The following TBCK variants were observed in gnomAD, a reference collection of about 807,000 sequenced individuals.
The protein encoded by TBCK is TBC domain-containing protein kinase-like protein.
A neutral mutation model predicts 113.4 loss-of-function variants in TBCK; 99 were observed. That is an observed-to-expected ratio of 0.87 (90% confidence interval 0.74 to 1.03). The LOEUF (loss-of-function observed/expected upper bound fraction) is 1.03, where lower values mean the gene tolerates loss of function less well. Among genes scored for constraint, TBCK ranks in the 50% least tolerant of loss-of-function variants. The pLI is 0.00. For missense variants in TBCK, 1,045 were observed against 1,061.3 expected, an observed-to-expected ratio of 0.98 and a Z score of 0.21; for synonymous variants, 369 against 370.8, an observed-to-expected ratio of 1.00 and a Z score of 0.05.
chr4:106,109,854 G>T (rs1742619628), intron 24 of TBCK, among the ~76,000 whole-genome samples: 1 of 152,124 alleles, frequency 6.6e-6, no homozygotes, highest in Admixed American at 6.5e-5. Flanking sequence ...GATTGGTCAG[G>T]GTGGTGGAAA....
chr4:106,237,540 T>C (rs929444614), intron 12 of TBCK: 3 of 455,570 alleles, frequency 6.6e-6, no homozygotes, highest in Non-Finnish European at 1.3e-5. Flanking sequence ...TGTCTGCTCC[T>C]ATGGGGATTG....
At chr4:106,261,946 CCA>C (rs918580032) in intron 4 of TBCK, among the ~76,000 whole-genome samples, 150 bp downstream of exon 4, 2 of 151,798 alleles carry the variant, frequency 1.3e-5, no homozygotes, top group Non-Finnish European at 2.9e-5. Context: ...AATTCAAAAA[CCA>C]CAGTTACATC....
intron 24 of TBCK, among the ~76,000 whole-genome samples, chr4:106,114,221 T>A (rs1460153262): frequency 6.6e-6 from 1 of 152,054 alleles, no homozygotes; most frequent in African/African-American, 2.4e-5. Flanking sequence ...TGGGAAAAAT[T>A]GTAGAAAGAT....
intron 2 of TBCK, among the ~76,000 whole-genome samples, chr4:106,298,302 A>G (rs570021146): frequency 6.6e-6 from 1 of 152,296 alleles, no homozygotes; most frequent in East Asian, 1.9e-4. Context: ...ATCTCTCACC[A>G]GCAATTAATA....
intron 19 of TBCK, among the ~76,000 whole-genome samples, chr4:106,225,737 G>A (rs1015812671): frequency 2.6e-5 from 4 of 152,142 alleles, no homozygotes; most frequent in South Asian, 2.1e-4. Context: ...GATTACAGGC[G>A]TGAGCCACTG....
chr4:106,254,909 T>C (rs1162470767), intron 5 of TBCK: 1 of 153,312 alleles, frequency 6.5e-6, no homozygotes, highest in Non-Finnish European at 1.5e-5. Context: ...TATTAAATAA[T>C]TACTGAAAAT....
intron 2 of TBCK, among the ~76,000 whole-genome samples, chr4:106,306,968 AT>A (rs1193381015): frequency 5.3e-5 from 8 of 151,670 alleles, no homozygotes; most frequent in South Asian, 2.1e-4. Flanking sequence ...GAAAAAACAA[AT>A]TTTTTTTTAT....
At chr4:106,101,531 T>C (rs909616808) in intron 24 of TBCK, among the ~76,000 whole-genome samples, 1 of 152,118 alleles carries the variant, frequency 6.6e-6, no homozygotes, top group African/African-American at 2.4e-5. Context: ...GAGACAAGAG[T>C]AATACTAGTG....
chr4:106,123,768 T>G (rs994714720), intron 23 of TBCK, among the ~76,000 whole-genome samples: 1 of 151,282 alleles, frequency 6.6e-6, no homozygotes, highest in Non-Finnish European at 1.5e-5. Context: ...CCCTATTTAA[T>G]AAATGGTGCT....
At chr4:106,314,095 G>C (rs1553998322) in intron 1 of TBCK, among the ~76,000 whole-genome samples, 1 of 151,868 alleles carries the variant, frequency 6.6e-6, no homozygotes, top group South Asian at 2.1e-4. Flanking sequence ...TTTTTTATTG[G>C]TTTTTGGCAC....
intron 3 of TBCK, 77 bp downstream of exon 3, chr4:106,295,017 C>A (rs972741631): frequency 1.7e-6 from 2 of 1,185,054 alleles, no homozygotes; most frequent in Non-Finnish European, 1.2e-6. Context: ...GAAACCAAAC[C>A]CCTGCAGTTT....
At chr4:106,247,044 A>T (rs565723944) in intron 10 of TBCK, 95 bp downstream of exon 10, 2 of 1,219,130 alleles carry the variant, frequency 1.6e-6, no homozygotes, top group African/African-American at 3.1e-5. Context: ...TCCCACCAAT[A>T]TATATTGTTG....
At chr4:106,280,620 C>T (rs531276585) in intron 3 of TBCK, among the ~76,000 whole-genome samples, 4 of 152,180 alleles carry the variant, frequency 2.6e-5, no homozygotes, top group African/African-American at 9.6e-5. Flanking sequence ...TGTTGAGAGA[C>T]AGAGGTCTAG....
At chr4:106,219,226 G>C (rs1295995282) in intron 19 of TBCK, among the ~76,000 whole-genome samples, 2 of 116,548 alleles carry the variant, frequency 1.7e-5, no homozygotes, top group East Asian at 2.9e-4. Context: ...GTTGTGGGGT[G>C]GGGGGAGGGG....
At chr4:106,246,227 C>T (rs1346796477) in intron 10 of TBCK, among the ~76,000 whole-genome samples, 1 of 152,132 alleles carries the variant, frequency 6.6e-6, no homozygotes, top group Non-Finnish European at 1.5e-5. Context: ...AAATGTCTGT[C>T]TGCCTTCCCA....
chr4:106,185,499 A>T (rs766929830), intron 22 of TBCK, among the ~76,000 whole-genome samples: 3 of 152,060 alleles, frequency 2.0e-5, no homozygotes, highest in Admixed American at 6.6e-5. Flanking sequence ...CCCATGTTTA[A>T]TCATTCTATT....
chr4:106,178,527 A>C (rs900194666), intron 22 of TBCK, among the ~76,000 whole-genome samples: 2 of 151,944 alleles, frequency 1.3e-5, no homozygotes, highest in African/African-American at 2.4e-5. Context: ...ATCATGAAGG[A>C]ATGTTGAATT....
At chr4:106,199,412 C>A (rs556181349) in intron 20 of TBCK, among the ~76,000 whole-genome samples, 1 of 152,192 alleles carries the variant, frequency 6.6e-6, no homozygotes, top group Non-Finnish European at 1.5e-5. Flanking sequence ...CACTCTCAAC[C>A]TGGAGTGTCC....
At chr4:106,175,781 T>C (rs1024441995) in intron 22 of TBCK, among the ~76,000 whole-genome samples, 15 of 152,162 alleles carry the variant, frequency 9.9e-5, no homozygotes, top group Non-Finnish European at 5.9e-5. Flanking sequence ...TTCCTTGATA[T>C]TGGGCAACAT....
Sources: allele counts gnomAD v4.1 joint callset (sites outside exome capture counted in the v4.1 genomes callset), GRCh38; gene constraint gnomAD v4.1.1; transcripts MANE v1.5; gene names NCBI Gene and HGNC (gene_info 2026-07-23, HGNC 2026-07-21).